ADCK1: variants seen among roughly 807,000 people sequenced by gnomAD.
The protein encoded by ADCK1 is aarF domain containing kinase 1.
Under a neutral mutation model 52.3 loss-of-function variants are expected in ADCK1, and 41 were observed. That is an observed-to-expected ratio of 0.78 (90% CI 0.61 to 1.02). The LOEUF (loss-of-function observed/expected upper bound fraction) is 1.02. ADCK1 is among the 50% of genes least tolerant of loss of function. ADCK1 has a pLI of 0.00. For missense variants in ADCK1, 658 were observed against 679.5 expected (o/e 0.97, Z 0.35); for synonymous variants, 250 against 274.6 (o/e 0.91, Z 0.89).
rs58057378 is a variant in ADCK1, at chr14:77,905,304, G to GTTTTTTTTTTTTTTTTTTTTTTTTT, written c.742-2479_742-2478insTTTTTTTTTTTTTTTTTTTTTTTTT. On this transcript the variant is annotated intron_variant, in intron 6 of 10. Coordinates refer to ENST00000238561, the MANE Select transcript of ADCK1 (RefSeq NM_020421.4). ...TCCACCTGTGACTCTTTCCTAGCTG[G>GTTTTTTTTTTTTTTTTTTTTTTTTT]TTTTTTTTTTTTTTTTTTTTGAGAT... is the stretch of plus-strand genomic sequence containing the variant. 3.7e-4 allele frequency among the ~76,000 whole-genome samples: 36 copies of GTTTTTTTTTTTTTTTTTTTTTTTTT among 96,266 alleles called. 1 individual carries two copies. The highest frequency in any genetic ancestry group is 5.6e-4 in the African/African-American group (13 of 23,102). The allele number at this position is 96,266 out of a possible 152,430, so 63.2% of individuals were successfully genotyped here.
At chr14:77,825,023 C>CCCTT (rs2081663398) in intron 3 of ADCK1, among the ~76,000 whole-genome samples, 1 of 152,198 alleles carries the variant, frequency 6.6e-6, no homozygotes, top group Non-Finnish European at 1.5e-5. Flanking sequence ...GACCCTCCTA[C>CCCTT]CCTTGTTCCT....
At chr14:77,821,635 C>G (rs1439993083) in intron 2 of ADCK1, among the ~76,000 whole-genome samples, 1 of 152,040 alleles carries the variant, frequency 6.6e-6, no homozygotes, top group Non-Finnish European at 1.5e-5. Context: ...AATCCCAGCA[C>G]TTTGGGAGGC....
chr14:77,879,588 T>C (rs191230937), intron 4 of ADCK1, among the ~76,000 whole-genome samples: 1 of 152,194 alleles, frequency 6.6e-6, no homozygotes, highest in Admixed American at 6.5e-5. Context: ...TCAGACCCCA[T>C]GGGTCATGTT....
chr14:77,888,094 G>A (rs1405963940), intron 5 of ADCK1, among the ~76,000 whole-genome samples: 2 of 152,134 alleles, frequency 1.3e-5, no homozygotes, highest in Non-Finnish European at 2.9e-5. Flanking sequence ...GGAGACAGGC[G>A]TGTAAACAGT....
intron 3 of ADCK1, among the ~76,000 whole-genome samples, chr14:77,844,685 C>G (rs940240864): frequency 2.6e-5 from 4 of 152,154 alleles, no homozygotes; most frequent in African/African-American, 9.7e-5. Flanking sequence ...ACAGACTGTC[C>G]ATCTTGCAGA....
chr14:77,800,769 G>T (rs2081092369), intron 1 of ADCK1, among the ~76,000 whole-genome samples: 1 of 152,224 alleles, frequency 6.6e-6, no homozygotes. Flanking sequence ...ACCTAGAACA[G>T]CCCTCTCCCA....
At position 77,933,309 on chromosome 14, in the gene ADCK1, A is replaced by C; in HGVS notation, c.1490A>C (p.Glu497Ala). The change falls in exon 11 of 11, where the codon GAG becomes GCG. Residue 497 changes from glutamate to alanine, a missense_variant. Glu to Ala is a moderately radical substitution (Grantham distance 107). Transcript: ENST00000238561. ...AACTTATGGCAGATCAACCTCCATG[A>C]GCTCATCCTGCGTGTGAAGGGGTTG... ...AFNLWQINLH[E>A]LILRVKGLKL... 6.2e-7 allele frequency: 1 copy of C among 1,614,108 alleles called. No individual in the cohort carries two copies. The highest frequency in any genetic ancestry group is 8.5e-7 in the Non-Finnish European group (1 of 1,180,030).
At position 77,896,378 on chromosome 14, in the gene ADCK1, G is replaced by T. The variant is rs139451454; in HGVS notation, c.583-2722G>T. On this transcript the variant is annotated intron_variant, in intron 5 of 10. Coordinates refer to ENST00000238561, the MANE Select transcript of ADCK1 (RefSeq NM_020421.4). ...CTGGCCTATGGTAATTACCTGGAGG[G>T]TAATCAGTAAATATTGATTGGACAA... Among the ~76,000 whole-genome samples, 25 of 152,332 alleles carry T rather than the reference G, an allele frequency of 1.6e-4. 1 individual carries two copies. In the East Asian group the frequency reaches 4.8e-3, roughly 29 times the overall value.
rs571924363 is a variant in ADCK1, at chr14:77,824,217, C to T, written c.219+1699C>T. On this transcript the variant is annotated intron_variant, in intron 3 of 10. Coordinates refer to ENST00000238561, the MANE Select transcript of ADCK1 (RefSeq NM_020421.4). ...CTGGCTTCATTCACTTAATTTTTTT[C>T]CCCAAAATATTTAAATGCAAATCTC... Among the ~76,000 whole-genome samples the T allele has an allele frequency of 6.8e-4, 103 of 151,964 alleles. 1 individual carries two copies. Among genetic ancestry groups the T allele is most frequent in the Non-Finnish European group, 8.8e-5 (6 of 67,976 alleles).
intron 4 of ADCK1, among the ~76,000 whole-genome samples, chr14:77,874,629 C>T (rs938262490): frequency 1.3e-5 from 2 of 152,080 alleles, no homozygotes; most frequent in Non-Finnish European, 2.9e-5. Context: ...CTGCGTGTCC[C>T]CTCTCCCTGC....
rs1216898728 is a variant in ADCK1, at chr14:77,907,813, T to A, written c.752T>A (p.Ile251Asn). 1 of 1,613,390 alleles carries A rather than the reference T, an allele frequency of 6.2e-7. No homozygotes were observed. Among genetic ancestry groups the A allele is most frequent in the Non-Finnish European group, 8.5e-7 (1 of 1,179,548 alleles). ...RHFDFLKVPR[I>N]HWDLSTERVL... is the part of the protein sequence containing the mutation. ...CCCTTCCTATCCCAGGTCCCCCGAATCCACTGGGACCTGTCCACGGAGCGG... is the reference window on the plus strand; with the variant it reads ...CCCTTCCTATCCCAGGTCCCCCGAAACCACTGGGACCTGTCCACGGAGCGG... The change falls in exon 7 of 11, where the codon ATC becomes AAC. Residue 251 changes from isoleucine (I) to asparagine (N), a missense_variant. By Grantham distance (149) the Ile-to-Asn change is moderately radical. Coordinates refer to ENST00000238561, the MANE Select transcript of ADCK1 (RefSeq NM_020421.4).
intron 9 of ADCK1, among the ~76,000 whole-genome samples, chr14:77,930,406 C>T (rs2140304760): frequency 6.6e-6 from 1 of 152,286 alleles, no homozygotes; most frequent in South Asian, 2.1e-4. Context: ...CTGATTGCTT[C>T]CTCAGACCTT....
intron 1 of ADCK1, among the ~76,000 whole-genome samples, chr14:77,810,328 T>C (rs2081313924): frequency 6.6e-6 from 1 of 152,008 alleles, no homozygotes; most frequent in Admixed American, 6.6e-5. Context: ...TTCTTCAGGC[T>C]AGTCTTGAAC....
chr14:77,867,475 AT>A (rs2082685919), intron 4 of ADCK1, among the ~76,000 whole-genome samples: 1 of 152,124 alleles, frequency 6.6e-6, no homozygotes. Context: ...AAAAAAACCC[AT>A]TTCCCCCCCA....
chr14:77,811,676 G>A (rs1184069836), intron 1 of ADCK1, among the ~76,000 whole-genome samples: 2 of 152,184 alleles, frequency 1.3e-5, no homozygotes, highest in Admixed American at 6.6e-5. Flanking sequence ...AGACATGGTG[G>A]TTTGTGCCTA....
chr14:77,921,281 C>T (rs563575384), intron 7 of ADCK1, among the ~76,000 whole-genome samples: 1 of 123,872 alleles, frequency 8.1e-6, no homozygotes, highest in African/African-American at 3.0e-5. Context: ...GAGCCGAGAT[C>T]GGGCCACTGC....
intron 9 of ADCK1, among the ~76,000 whole-genome samples, chr14:77,928,015 G>T (rs1183011985): frequency 6.6e-6 from 1 of 152,188 alleles, no homozygotes; most frequent in African/African-American, 2.4e-5. Context: ...AGGAGCCTAG[G>T]CCGGGACTCC....
intron 4 of ADCK1, among the ~76,000 whole-genome samples, chr14:77,861,698 G>A (rs543279893): frequency 1.3e-5 from 2 of 152,334 alleles, no homozygotes; most frequent in Admixed American, 6.5e-5. Flanking sequence ...AGCTCAGACT[G>A]TAGAGAGCGG....
chr14:77,877,118 G>A (rs1335108699), intron 4 of ADCK1, among the ~76,000 whole-genome samples: 2 of 152,324 alleles, frequency 1.3e-5, no homozygotes, highest in Non-Finnish European at 2.9e-5. Context: ...GGGAGGCTGA[G>A]GCAAGAGAAT....
Sources: allele counts gnomAD v4.1 joint callset (sites outside exome capture counted in the v4.1 genomes callset), GRCh38; gene constraint gnomAD v4.1.1; transcripts MANE v1.5; gene names NCBI Gene and HGNC (gene_info 2026-07-23, HGNC 2026-07-21).